SLC35F5: variants seen among roughly 807,000 people sequenced by gnomAD.
The protein encoded by SLC35F5 is solute carrier family 35 member F5, also known as HCV NS5A-transactivated protein 3.
A neutral mutation model predicts 68.6 loss-of-function variants in SLC35F5; 54 were observed. The observed-to-expected ratio is 0.79, with a 90% CI of 0.63 to 0.99. The LOEUF is 0.99. Among genes scored for constraint, SLC35F5 ranks in the 50% least tolerant of loss-of-function variants. The probability of loss-of-function intolerance (pLI) is 0.00; values close to 1 mark genes in which losing one functional copy is unlikely to be tolerated. For synonymous variants in SLC35F5, 211 were observed against 205.2 expected (o/e 1.03, Z -0.24); for missense variants, 567 against 626.9 (o/e 0.90, Z 1.02).
At chr2:113,723,270 C>G (rs1283774227) in intron 12 of SLC35F5, 76 bp from the exon 13 acceptor site, 2 of 1,017,174 alleles carry the variant, frequency 2.0e-6, no homozygotes, top group East Asian at 2.8e-5. Flanking sequence ...GACTTTCTAT[C>G]CTATAATATA....
intron 12 of SLC35F5, among the ~76,000 whole-genome samples, 156 bp from the exon 13 acceptor site, chr2:113,723,350 A>G (rs932769328): frequency 1.1e-5 from 1 of 87,656 alleles, no homozygotes; most frequent in African/African-American, 3.7e-5. Context: ...TAAAGTTATT[A>G]AGATGATTCT....
At chr2:113,716,375 A>G (rs1333662308) in intron 15 of SLC35F5, among the ~76,000 whole-genome samples, 3 of 152,224 alleles carry the variant, frequency 2.0e-5, no homozygotes. Context: ...GAATCTCTGG[A>G]TAAGGGAAAT....
Position 113,742,787 on chromosome 2 carries a change from A to T in SLC35F5, c.655T>A (p.Ser219Thr). The change falls in exon 7 of 16, where the codon TCA becomes ACA. Residue 219 changes from serine (S) to threonine (T), a missense_variant. Transcript: ENST00000245680. ...HALEAKLSRM[S>T]YPVKEQESIL... ...GATTCTTGTTCTTTCACAGGATATGACATGCGAGACAACTTTGCTTCCAAT... is the reference window on the plus strand; with the variant it reads ...GATTCTTGTTCTTTCACAGGATATGTCATGCGAGACAACTTTGCTTCCAAT... 6.2e-7 allele frequency: 1 copy of T among 1,614,150 alleles called. No homozygotes were observed. Among genetic ancestry groups the T allele is most frequent in the Middle Eastern group, 1.6e-4 (1 of 6,062 alleles).
chr2:113,746,250 A>G, intron 5 of SLC35F5, 27 bp downstream of exon 5: 1 of 1,593,362 alleles, frequency 6.3e-7, no homozygotes, highest in Non-Finnish European at 8.6e-7. Flanking sequence ...CCACCTCTCT[A>G]TTCCTGACAA....
intron 14 of SLC35F5, among the ~76,000 whole-genome samples, chr2:113,718,353 A>C (rs960542): frequency 0.2 from 30,506 of 151,994 alleles, 3,305 homozygotes; most frequent in South Asian, 0.24. Context: ...CTCCAGAGTC[A>C]CTGGAACCAA....
At chr2:113,717,077 CTAAA>C (rs1687210501) in intron 15 of SLC35F5, among the ~76,000 whole-genome samples, 1 of 152,150 alleles carries the variant, frequency 6.6e-6, no homozygotes, top group Non-Finnish European at 1.5e-5. Context: ...ATCTTTCATT[CTAAA>C]TAATCACTTT....
chr2:113,727,270 CTT>C (rs1687699847), intron 11 of SLC35F5, among the ~76,000 whole-genome samples: 2 of 152,264 alleles, frequency 1.3e-5, no homozygotes, highest in Admixed American at 6.5e-5. Flanking sequence ...AATTAAACCT[CTT>C]TTGTTTATAA....
rs1460946585 is a variant in SLC35F5, at chr2:113,712,398, G to T, written c.*2820C>A. ...GGGGCACGATCTCGGCTCACTGCAG[G>T]CTCCGCCTCCCGGGTTCACGCCATT... On this transcript the variant is annotated 3_prime_UTR_variant, in exon 16 of 16. Coordinates refer to ENST00000245680, the MANE Select transcript of SLC35F5 (RefSeq NM_025181.5). 4.6e-5 allele frequency among the ~76,000 whole-genome samples: 7 copies of T among 152,070 alleles called. No homozygotes were observed. The highest frequency in any genetic ancestry group is 1.0e-4 in the Non-Finnish European group (7 of 68,002).
At chr2:113,719,403 G>A (rs1687336260) in intron 13 of SLC35F5, 95 bp from the exon 14 acceptor site, 2 of 1,117,136 alleles carry the variant, frequency 1.8e-6, no homozygotes, top group Non-Finnish European at 2.5e-6. Context: ...AAAACTAGCA[G>A]GAATAAGAAC....
Position 113,706,903 on chromosome 2 carries a change from A to T in SLC35F5, c.*8315T>A, listed in dbSNP as rs1485827130. On this transcript the variant is annotated 3_prime_UTR_variant, in exon 16 of 16. Coordinates refer to ENST00000245680, the MANE Select transcript of SLC35F5 (RefSeq NM_025181.5). ...TTATATTTGGTTATCCACAGTCTAT[A>T]AAATAATGTTCCCAAATTATATAGT... 6.6e-6 allele frequency among the ~76,000 whole-genome samples: 1 copy of T among 152,220 alleles called. No homozygotes were observed. Among genetic ancestry groups the T allele is most frequent in the East Asian group, 1.9e-4 (1 of 5,204 alleles).
intron 11 of SLC35F5, 182 bp from the exon 12 acceptor site, chr2:113,725,719 ACTGT>A: frequency 2.0e-6 from 1 of 492,258 alleles, no homozygotes; most frequent in Non-Finnish European, 3.5e-6. Flanking sequence ...AGAAAAAAAA[ACTGT>A]CTGAAGCAAC....
chr2:113,756,326 G>C lies in SLC35F5; in HGVS notation c.40+44C>G, dbSNP rs537584114. The C allele has an allele frequency of 2.6e-6, 4 of 1,556,658 alleles. No individual in the cohort carries two copies. In the African/African-American group the frequency reaches 5.5e-5, roughly 21 times the overall value. The stretch of plus-strand genomic sequence containing the variant: ...GTGCTGCTGGTGGGCACTCCGTCCC[G>C]GTTTGGGCTCCGGTGATGTCGGGGC... On this transcript the variant is annotated intron_variant, in intron 1 of 15. Transcript: ENST00000245680.
intron 12 of SLC35F5, 140 bp downstream of exon 12, chr2:113,725,238 G>T: frequency 2.9e-6 from 2 of 699,754 alleles, no homozygotes; most frequent in Non-Finnish European, 4.8e-6. Flanking sequence ...CCCTGCTCTA[G>T]TGGAGTTAAA....
rs1390982460 is a variant in SLC35F5 at position 113,709,641 on chromosome 2, C to T, written c.*5577G>A. ...CTAATGAGGAACAGAAGGAATCCAA[C>T]GTCAGAGTTAGTGCTCTTCTCAGAG... On this transcript the variant is annotated 3_prime_UTR_variant, in exon 16 of 16. Coordinates refer to ENST00000245680, the MANE Select transcript of SLC35F5 (RefSeq NM_025181.5). 6.6e-6 allele frequency among the ~76,000 whole-genome samples: 1 copy of T among 152,188 alleles called. No individual in the cohort carries two copies. The highest frequency in any genetic ancestry group is 6.5e-5 in the Admixed American group (1 of 15,286).
rs758100032 is a variant in SLC35F5, at chr2:113,723,112, T to C, written c.1333A>G (p.Met445Val). 1.3e-5 allele frequency: 20 copies of C among 1,552,300 alleles called. No homozygotes were observed. The African/African-American group carries it at 1.7e-4, about 13-fold the overall frequency. ...ATAAATAGTTTCCTTACCTTTTGCA[T>C]ACACATGTCAGCTATTATGGACAGA... ...IPLSIIADMCMQKVQFSWLFF... is the reference protein window; with the variant it reads ...IPLSIIADMCVQKVQFSWLFF... The change falls in exon 13 of 16, where the codon ATG (methionine) becomes GTG (valine). Residue 445 changes from methionine to valine, a missense_variant. Physicochemically the swap from Met to Val is conservative, Grantham distance 21 (BLOSUM62 1). Coordinates refer to ENST00000245680, the MANE Select transcript of SLC35F5 (RefSeq NM_025181.5).
intron 4 of SLC35F5, among the ~76,000 whole-genome samples, chr2:113,748,307 A>G (rs1676594988): frequency 6.6e-6 from 1 of 151,894 alleles, no homozygotes; most frequent in South Asian, 2.1e-4. Flanking sequence ...CCGGGATTAC[A>G]GGAGTGCACC....
chr2:113,704,410 C>T (rs919332680), downstream of SLC35F5, among the ~76,000 whole-genome samples: 20 of 152,226 alleles, frequency 1.3e-4, no homozygotes, highest in Admixed American at 5.2e-4. Context: ...GCCAGTCCCG[C>T]GCCCTGCGCC....
Position 113,719,192 on chromosome 2 carries a change from TC to T in SLC35F5, c.1457del (p.Arg486LysfsTer72). 6.2e-7 allele frequency: 1 copy of T among 1,607,180 alleles called. No individual in the cohort carries two copies. Among genetic ancestry groups the T allele is most frequent in the African/African-American group, 1.3e-5 (1 of 74,564 alleles). On this transcript the variant is annotated frameshift_variant, in exon 14 of 16. Coordinates refer to ENST00000245680, the MANE Select transcript of SLC35F5 (RefSeq NM_025181.5). LOFTEE classifies it high-confidence loss of function. ...NWDPVMVGIR[R>X]IFAFICRKHR... ...GTTTTCTGCATATAAAAGCAAATAT[TC>T]TTCTGATTCCCACCATCACAGGATC...
At chr2:113,740,004 C>A (rs971504372) in intron 7 of SLC35F5, among the ~76,000 whole-genome samples, 1 of 152,152 alleles carries the variant, frequency 6.6e-6, no homozygotes, top group Non-Finnish European at 1.5e-5. Flanking sequence ...AGGTCTTCAT[C>A]CTCGTCATCC....
Sources: allele counts gnomAD v4.1 joint callset (sites outside exome capture counted in the v4.1 genomes callset), GRCh38; gene constraint gnomAD v4.1.1; transcripts MANE v1.5; gene names NCBI Gene and HGNC (gene_info 2026-07-23, HGNC 2026-07-21).